The following HABP4 variants were observed in gnomAD, a reference collection of about 807,000 sequenced individuals.
HABP4 encodes the protein intracellular hyaluronan-binding protein 4.
In HABP4, 32 loss-of-function variants were observed where a neutral mutation model predicts 44.1. That is an observed-to-expected ratio of 0.73 (90% CI 0.55 to 0.97). The LOEUF (loss-of-function observed/expected upper bound fraction) is 0.97, where lower values mean the gene tolerates loss of function less well. HABP4 is among the 50% of genes least tolerant of loss of function. The pLI is 0.00. For missense variants in HABP4, 503 were observed against 561.9 expected (o/e 0.90, Z 1.06); for synonymous variants, 216 against 218.0 (o/e 0.99, Z 0.08).
chr9:96,452,672 A>G (rs1216139753), intron 1 of HABP4, among the ~76,000 whole-genome samples: 1 of 152,148 alleles, frequency 6.6e-6, no homozygotes, highest in Non-Finnish European at 1.5e-5. Flanking sequence ...ATTAATTTCC[A>G]TTTATGTAGT....
At chr9:96,472,780 T>A (rs1350566160) in intron 5 of HABP4, among the ~76,000 whole-genome samples, 1 of 152,216 alleles carries the variant, frequency 6.6e-6, no homozygotes, top group East Asian at 1.9e-4. Context: ...GTGGCCTTCT[T>A]CACTTCCTCC....
intron 6 of HABP4, among the ~76,000 whole-genome samples, chr9:96,486,107 G>A (rs1177914116): frequency 6.6e-6 from 1 of 152,022 alleles, no homozygotes; most frequent in Non-Finnish European, 1.5e-5. Flanking sequence ...CAGGAGAATC[G>A]CTTGAACCCG....
chr9:96,482,132 G>C (rs1298326670), intron 5 of HABP4, among the ~76,000 whole-genome samples: 1 of 151,946 alleles, frequency 6.6e-6, no homozygotes, highest in African/African-American at 2.4e-5. Flanking sequence ...TAGAGACGGG[G>C]TTTCACCGTA....
chr9:96,485,240 G>A (rs1281290103), intron 6 of HABP4, among the ~76,000 whole-genome samples: 6 of 152,092 alleles, frequency 3.9e-5, no homozygotes, highest in Non-Finnish European at 5.9e-5. Context: ...TAGTAGAGAC[G>A]GGGCTTTTCC....
intron 1 of HABP4, among the ~76,000 whole-genome samples, chr9:96,455,760 G>C (rs886118311): frequency 6.8e-6 from 1 of 146,928 alleles, no homozygotes; most frequent in African/African-American, 2.5e-5. Context: ...AGTGAGACTT[G>C]GTCTAAAAAA....
chr9:96,460,368 G>A (rs932889261), intron 2 of HABP4, among the ~76,000 whole-genome samples: 3 of 151,816 alleles, frequency 2.0e-5, no homozygotes, highest in Admixed American at 6.6e-5. Flanking sequence ...ACACCACACA[G>A]CCTTTCTTTG....
In HABP4 at chr9:96,467,515, T is replaced by C. The variant is rs544546319; in HGVS notation, c.743+1737T>C. Among the ~76,000 whole-genome samples the C allele has an allele frequency of 1.1e-3, 161 of 150,588 alleles. 1 individual carries two copies. The highest frequency in any genetic ancestry group is 1.9e-3 in the Non-Finnish European group (130 of 67,762). On this transcript the variant is annotated intron_variant, in intron 4 of 7. Coordinates refer to ENST00000375249, the MANE Select transcript of HABP4 (RefSeq NM_014282.4). ...CTCTTTCTCTTTTTCTTTTTCTTTC[T>C]TTCTTTTTTTCCTTTTTTTTTTTTT...
intron 1 of HABP4, among the ~76,000 whole-genome samples, chr9:96,453,982 G>T (rs999044630): frequency 2.6e-5 from 4 of 152,120 alleles, no homozygotes; most frequent in African/African-American, 9.7e-5. Flanking sequence ...CTTTGTTTTG[G>T]GGGGTTTGGG....
rs1486938648 is a variant in HABP4, at chr9:96,450,310, G to A, written c.31G>A (p.Ala11Thr). The change falls in exon 1 of 8, where the codon GCC becomes ACC. Residue 11 changes from alanine (A) to threonine (T), a missense_variant. Physicochemically the swap from Ala to Thr is moderately conservative, Grantham distance 58. Transcript: ENST00000375249. This position sits in a 1 kb window ranked among gnomAD's most constrained non-coding sequence, Gnocchi z 4.8. Reference sequence around the variant, plus strand: ...GGGCGCTCTGGGGAGTCCCGTGGCTGCCGCTGGCGCCGCGATGCAGGAGAG... The same window carrying A: ...GGGCGCTCTGGGGAGTCCCGTGGCTACCGCTGGCGCCGCGATGCAGGAGAG... MKGALGSPVA[A>T]AGAAMQESFG... is the part of the protein sequence containing the mutation. 2.0e-6 allele frequency: 3 copies of A among 1,466,276 alleles called. No individual in the cohort carries two copies. Among genetic ancestry groups the A allele is most frequent in the Non-Finnish European group, 1.8e-6 (2 of 1,100,088 alleles). 90.8% of individuals were successfully genotyped at this position (1,466,276 alleles called of 1,614,324 possible). A position where few individuals can be genotyped will look rare whatever the true frequency, so the allele number is the denominator to read the frequency against.
In HABP4 at chr9:96,458,282, T is replaced by A. The variant is rs996826298; in HGVS notation, c.350-97T>A. 6.2e-5 allele frequency: 78 copies of A among 1,260,444 alleles called. No individual in the cohort carries two copies. The East Asian group carries it at 1.8e-3, about 29-fold the overall frequency. The allele number at this position is 1,260,444 out of a possible 1,614,324, so 78.1% of individuals were successfully genotyped here. A position where few individuals can be genotyped will look rare whatever the true frequency, so the allele number is the denominator to read the frequency against. ...TCCTGAATTCTCCTATGACGTTGAT[T>A]TCTAGAAAAATGAAATTTACAAGTA... On this transcript the variant is annotated intron_variant, in intron 1 of 7. Coordinates refer to ENST00000375249, the MANE Select transcript of HABP4 (RefSeq NM_014282.4).
intron 5 of HABP4, among the ~76,000 whole-genome samples, chr9:96,473,045 G>A (rs147795182): frequency 1.3e-5 from 2 of 152,174 alleles, no homozygotes; most frequent in Non-Finnish European, 2.9e-5. Context: ...CTTTTAAAAT[G>A]TTAAGTTCTT....
chr9:96,487,754 A>C (rs915269919), intron 6 of HABP4, among the ~76,000 whole-genome samples: 1 of 152,252 alleles, frequency 6.6e-6, no homozygotes, highest in African/African-American at 2.4e-5. Flanking sequence ...TGCTATTATT[A>C]GTCATGCCAA....
intron 5 of HABP4, among the ~76,000 whole-genome samples, chr9:96,477,700 T>C (rs754215588): frequency 9.2e-5 from 14 of 152,240 alleles, no homozygotes; most frequent in Non-Finnish European, 1.9e-4. Context: ...TTAAAACAGC[T>C]TTGAGATATA....
At chr9:96,486,820 G>A (rs1426296329) in intron 6 of HABP4, among the ~76,000 whole-genome samples, 2 of 151,956 alleles carry the variant, frequency 1.3e-5, no homozygotes, top group African/African-American at 4.8e-5. Context: ...TTGGGCCAGG[G>A]CCAGCTGGAG....
chr9:96,462,143 C>T (rs1379145691), intron 2 of HABP4, among the ~76,000 whole-genome samples: 1 of 135,202 alleles, frequency 7.4e-6, no homozygotes, highest in Non-Finnish European at 1.5e-5. Context: ...GAGATTCTGT[C>T]TCAAAAAAAA....
At chr9:96,454,691 G>A (rs1253745856) in intron 1 of HABP4, among the ~76,000 whole-genome samples, 1 of 152,038 alleles carries the variant, frequency 6.6e-6, no homozygotes, top group Non-Finnish European at 1.5e-5. Flanking sequence ...CTTGTGATCT[G>A]CCCGCCTTGG....
intron 2 of HABP4, among the ~76,000 whole-genome samples, chr9:96,462,813 T>C (rs936598462): frequency 1.3e-5 from 2 of 151,708 alleles, no homozygotes; most frequent in African/African-American, 4.8e-5. Flanking sequence ...TCTCAGCTGC[T>C]TGGGGGACTG....
upstream of HABP4, chr9:96,450,137 G>T (rs892140181): frequency 1.2e-6 from 1 of 813,314 alleles, no homozygotes; most frequent in South Asian, 5.9e-5. The surrounding 1 kb of genome is among the most constrained non-coding windows in gnomAD (Gnocchi z 4.8). Flanking sequence ...GCGGCGCCGC[G>T]GGGGCGGGCG....
chr9:96,468,593 A>G (rs1162192629), intron 4 of HABP4, among the ~76,000 whole-genome samples: 1 of 151,884 alleles, frequency 6.6e-6, no homozygotes, highest in Non-Finnish European at 1.5e-5. Context: ...CAGGTCTGCC[A>G]TGTTTCCCAG....
Sources: gnomAD v4.1 joint callset for allele counts (sites outside exome capture counted in the v4.1 genomes callset) on GRCh38, gnomAD v4.1.1 for gene constraint, Gnocchi (gnomAD v3.1) non-coding constraint, MANE v1.5 for transcripts, NCBI Gene and HGNC (gene_info 2026-07-23, HGNC 2026-07-21) for gene names.